The following HECW1 variants were observed in gnomAD, a reference collection of about 807,000 sequenced individuals.
The protein encoded by HECW1 is E3 ubiquitin-protein ligase HECW1.
A neutral mutation model predicts 182.3 loss-of-function variants in HECW1; 61 were observed. That is an observed-to-expected ratio of 0.33 (90% CI 0.27 to 0.41). The LOEUF (loss-of-function observed/expected upper bound fraction) is 0.41. Among genes scored for constraint, HECW1 ranks in the 10% least tolerant of loss-of-function variants. The pLI is 1.00. For missense variants in HECW1, 1,739 were observed against 2,108.9 expected (o/e 0.82, Z 3.44); for synonymous variants, 859 against 832.6 (o/e 1.03, Z -0.55).
At chr7:43,380,049 TG>T (rs995557455) in intron 6 of HECW1, among the ~76,000 whole-genome samples, 3 of 152,186 alleles carry the variant, frequency 2.0e-5, no homozygotes, top group African/African-American at 7.2e-5. Context: ...TTGGTGGCCT[TG>T]GGCCTCAATT....
At chr7:43,373,491 G>GA (rs2074200881) in intron 6 of HECW1, among the ~76,000 whole-genome samples, 1 of 151,668 alleles carries the variant, frequency 6.6e-6, no homozygotes, top group Non-Finnish European at 1.5e-5. Flanking sequence ...GTCTCGCTCT[G>GA]AAAAAAGAAT....
At chr7:43,234,110 T>C (rs1228141471) in intron 2 of HECW1, among the ~76,000 whole-genome samples, 1 of 152,188 alleles carries the variant, frequency 6.6e-6, no homozygotes, top group African/African-American at 2.4e-5. Context: ...CTTTACAAAT[T>C]ACATGCAATA....
chr7:43,315,548 C>T (rs1267925051), intron 4 of HECW1, among the ~76,000 whole-genome samples: 1 of 151,860 alleles, frequency 6.6e-6, no homozygotes, highest in African/African-American at 2.4e-5. Context: ...GGCTAGAGTA[C>T]AATGGCACGA....
In HECW1 at chr7:43,221,565, T is replaced by G. The variant is rs1000065344; in HGVS notation, c.-31-22310T>G. ...TTTTTTTTTTTTTTTTTTTTTTTTT[T>G]TTTTTTTTTTTTTTGGGACAGCCTG... On this transcript the variant is annotated intron_variant, in intron 2 of 29. Coordinates refer to ENST00000395891, the MANE Select transcript of HECW1 (RefSeq NM_015052.5). 3.8e-4 allele frequency among the ~76,000 whole-genome samples: 34 copies of G among 89,568 alleles called. 1 individual carries two copies. The highest frequency in any genetic ancestry group is 6.5e-4 in the Non-Finnish European group (26 of 40,258). 58.8% of individuals were successfully genotyped at this position (89,568 alleles called of 152,430 possible).
At chr7:43,540,703 C>A (rs1019251060) in intron 24 of HECW1, among the ~76,000 whole-genome samples, 1 of 152,210 alleles carries the variant, frequency 6.6e-6, no homozygotes, top group Non-Finnish European at 1.5e-5. Context: ...ATATGGGCTC[C>A]ATACTCAAAC....
intron 8 of HECW1, among the ~76,000 whole-genome samples, chr7:43,412,263 T>A (rs904085621): frequency 6.6e-6 from 1 of 152,032 alleles, no homozygotes; most frequent in Non-Finnish European, 1.5e-5. Context: ...ATCTTTCTTG[T>A]TATAGTTATT....
chr7:43,474,187 C>T (rs1269351117), intron 16 of HECW1, among the ~76,000 whole-genome samples: 1 of 152,182 alleles, frequency 6.6e-6, no homozygotes, highest in Non-Finnish European at 1.5e-5. Context: ...CGGTGGCTCA[C>T]GCCTGTAATC....
At chr7:43,236,580 G>A (rs1798362229) in intron 2 of HECW1, among the ~76,000 whole-genome samples, 1 of 152,210 alleles carries the variant, frequency 6.6e-6, no homozygotes, top group Non-Finnish European at 1.5e-5. Flanking sequence ...GTCATAGGTA[G>A]ATAAGAGACA....
intron 5 of HECW1, among the ~76,000 whole-genome samples, chr7:43,358,983 G>T (rs1488107666): frequency 6.6e-6 from 1 of 151,736 alleles, no homozygotes; most frequent in African/African-American, 2.4e-5. Flanking sequence ...GCACCACCAC[G>T]CCCAGCTAAT....
At chr7:43,235,779 T>C (rs1418578432) in intron 2 of HECW1, among the ~76,000 whole-genome samples, 1 of 152,132 alleles carries the variant, frequency 6.6e-6, no homozygotes, top group Non-Finnish European at 1.5e-5. Flanking sequence ...AGTGTGGGCA[T>C]GGGTGTGGGT....
At chr7:43,251,017 A>G (rs1799969355) in intron 3 of HECW1, among the ~76,000 whole-genome samples, 1 of 152,048 alleles carries the variant, frequency 6.6e-6, no homozygotes, top group Admixed American at 6.5e-5. Context: ...ATCATTCGTT[A>G]CTTCTCCCAG....
rs1403626609 is a variant in HECW1, at chr7:43,479,706, C to A, written c.3196C>A (p.Gln1066Lys). ...TCTTCCCAATCATCTAACTCACCGACAGCACCTCCAGAGGCTCCGAAGTTA... is the reference window on the plus strand; with the variant it reads ...TCTTCCCAATCATCTAACTCACCGAAAGCACCTCCAGAGGCTCCGAAGTTA... ...GRLPNHLTHR[Q>K]HLQRLRSYSA... The change falls in exon 17 of 30, where the codon CAG (glutamine) becomes AAG (lysine). Residue 1066 changes from glutamine (Q) to lysine (K), a missense_variant. Gln to Lys is a moderately conservative substitution (Grantham distance 53). Coordinates refer to ENST00000395891, the MANE Select transcript of HECW1 (RefSeq NM_015052.5). The A allele has an allele frequency of 4.3e-6, 7 of 1,613,930 alleles. No homozygotes were observed. The highest frequency in any genetic ancestry group is 5.9e-6 in the Non-Finnish European group (7 of 1,180,000).
chr7:43,235,206 C>T (rs1466578192), intron 2 of HECW1, among the ~76,000 whole-genome samples: 5 of 152,134 alleles, frequency 3.3e-5, no homozygotes, highest in African/African-American at 9.7e-5. Context: ...TGGAGTTCCC[C>T]GGCCCCCACA....
intron 3 of HECW1, among the ~76,000 whole-genome samples, chr7:43,289,143 T>C (rs1161257927): frequency 1.3e-5 from 2 of 150,506 alleles, no homozygotes; most frequent in Non-Finnish European, 2.9e-5. Context: ...TCGATCACTC[T>C]GTCACCAGGC....
intron 16 of HECW1, among the ~76,000 whole-genome samples, chr7:43,476,397 A>T (rs2078220911): frequency 6.6e-6 from 1 of 152,236 alleles, no homozygotes. Context: ...GAAATGGGAA[A>T]TGGTTACACC....
chr7:43,482,890 G>A (rs2078488941), intron 17 of HECW1, among the ~76,000 whole-genome samples: 1 of 152,152 alleles, frequency 6.6e-6, no homozygotes, highest in Non-Finnish European at 1.5e-5. Context: ...AGGCAACAGT[G>A]CAAGACTCTG....
intron 7 of HECW1, among the ~76,000 whole-genome samples, chr7:43,402,965 A>G (rs551490609): frequency 1.3e-5 from 2 of 152,348 alleles, no homozygotes; most frequent in East Asian, 3.9e-4. Context: ...AGACAACTTA[A>G]ACATTCAAAA....
intron 4 of HECW1, among the ~76,000 whole-genome samples, chr7:43,313,981 T>G (rs1249694966): frequency 2.0e-5 from 3 of 152,268 alleles, no homozygotes; most frequent in African/African-American, 4.8e-5. Context: ...TTTTGGTTTG[T>G]TTTTTGGTTT....
At chr7:43,142,403 G>T (rs1022953327) in intron 2 of HECW1, among the ~76,000 whole-genome samples, 2 of 152,196 alleles carry the variant, frequency 1.3e-5, no homozygotes, top group East Asian at 3.9e-4. Context: ...TTCATGCACA[G>T]AATCTAGCAT....
Sources: gnomAD v4.1 joint callset for allele counts (sites outside exome capture counted in the v4.1 genomes callset) on GRCh38, gnomAD v4.1.1 for gene constraint, MANE v1.5 for transcripts, NCBI Gene and HGNC (gene_info 2026-07-23, HGNC 2026-07-21) for gene names.